The following SH3KBP1 variants were observed in gnomAD, a reference collection of about 807,000 sequenced individuals.
The protein encoded by SH3KBP1 is SH3 domain-containing kinase-binding protein 1.
In SH3KBP1, 8 loss-of-function variants were observed where a neutral mutation model predicts 50.1. That is an observed-to-expected ratio of 0.16 (90% CI 0.09 to 0.29). The LOEUF is 0.29. Among genes scored for constraint, SH3KBP1 ranks in the 10% least tolerant of loss-of-function variants. The probability of loss-of-function intolerance (pLI) is 1.00; values close to 1 mark genes in which losing one functional copy is unlikely to be tolerated. For missense variants in SH3KBP1, 377 were observed against 535.2 expected (o/e 0.70, Z 2.92); for synonymous variants, 227 against 218.6 (o/e 1.04, Z -0.34).
intron 3 of SH3KBP1, among the ~76,000 whole-genome samples, chrX:19,712,898 A>C (rs1469365103): frequency 9.0e-6 from 1 of 111,603 alleles, no homozygotes. Flanking sequence ...CGAGGAAACA[A>C]TCATGCAAAT....
At chrX:19,827,890 AAAACAAACAAACAAACAAAC>A (rs373645610) in intron 2 of SH3KBP1, among the ~76,000 whole-genome samples, 1 of 101,247 alleles carries the variant, frequency 9.9e-6, no homozygotes, top group Admixed American at 1.1e-4. Flanking sequence ...GTTAAACAAA[AAAACAAACAAACAAACAAAC>A]AAACAAACAA....
chrX:19,885,418 C>T (rs1261573759), intron 1 of SH3KBP1, among the ~76,000 whole-genome samples: 1 of 111,773 alleles, frequency 8.9e-6, no homozygotes, highest in Non-Finnish European at 1.9e-5. Context: ...GTATTAACTC[C>T]TGAAATAAAT....
intron 2 of SH3KBP1, among the ~76,000 whole-genome samples, chrX:19,786,484 CA>C (rs1004525864): frequency 2.1e-4 from 24 of 112,239 alleles, no homozygotes; most frequent in African/African-American, 7.8e-4. Context: ...TGGGCAAATG[CA>C]AAAGTTTATC....
At chrX:19,641,852 A>G (rs1045397875) in intron 7 of SH3KBP1, among the ~76,000 whole-genome samples, 1 of 111,418 alleles carries the variant, frequency 9.0e-6, no homozygotes, top group African/African-American at 3.3e-5. Flanking sequence ...TTTTATATAT[A>G]TTTTTGAGAT....
intron 3 of SH3KBP1, among the ~76,000 whole-genome samples, chrX:19,723,142 C>CAA (rs61434855): frequency 2.0e-3 from 61 of 30,046 alleles, no homozygotes; most frequent in Middle Eastern, 0.018. Context: ...GACTCCGTCT[C>CAA]AAAAAAAAAA....
chrX:19,798,042 A>G (rs2066773551), intron 2 of SH3KBP1, among the ~76,000 whole-genome samples: 1 of 111,199 alleles, frequency 9.0e-6, no homozygotes, highest in Non-Finnish European at 1.9e-5. Flanking sequence ...CTTCTGAATC[A>G]GAATTCAGAT....
At chrX:19,609,850 G>A (rs969345840) in intron 8 of SH3KBP1, among the ~76,000 whole-genome samples, 30 of 112,093 alleles carry the variant, frequency 2.7e-4, no homozygotes, top group Non-Finnish European at 1.3e-4. Context: ...TGAGAGTTCT[G>A]CGATCTCCTC....
At chrX:19,666,212 T>C (rs1487701287) in intron 6 of SH3KBP1, among the ~76,000 whole-genome samples, 1 of 109,531 alleles carries the variant, frequency 9.1e-6, no homozygotes, top group African/African-American at 3.3e-5. Flanking sequence ...ATCACAAAAC[T>C]AGCTTTATCC....
Position 19,579,771 on chromosome X carries a change from G to GA in SH3KBP1, c.1298+8871dup, listed in dbSNP as rs1314377011. Reference sequence around the variant, plus strand: ...ACAAGGTACTTCCCCCCATGCCTGTGACCTATGGGACTACCTTCCATCAGT... The same window carrying GA: ...ACAAGGTACTTCCCCCCATGCCTGTGAACCTATGGGACTACCTTCCATCAGT... On this transcript the variant is annotated intron_variant, in intron 12 of 17. Coordinates refer to ENST00000397821, the MANE Select transcript of SH3KBP1 (RefSeq NM_031892.3). 3.6e-5 allele frequency among the ~76,000 whole-genome samples: 4 copies of GA among 111,966 alleles called. No homozygotes were observed. The Admixed American group carries it at 3.8e-4, about 11-fold the overall frequency.
At chrX:19,623,549 A>G (rs2067915277) in intron 8 of SH3KBP1, among the ~76,000 whole-genome samples, 1 of 111,643 alleles carries the variant, frequency 9.0e-6, no homozygotes, top group Non-Finnish European at 1.9e-5. Context: ...GCCAGGCATG[A>G]TGGCAGTTGC....
At chrX:19,806,896 A>T (rs1238340963) in intron 2 of SH3KBP1, among the ~76,000 whole-genome samples, 1 of 111,927 alleles carries the variant, frequency 8.9e-6, no homozygotes, top group Admixed American at 9.5e-5. Flanking sequence ...TCCACTTTTA[A>T]GAATACCTGT....
chrX:19,558,769 A>C (rs1439019573), intron 13 of SH3KBP1, among the ~76,000 whole-genome samples: 2 of 112,276 alleles, frequency 1.8e-5, no homozygotes, highest in Non-Finnish European at 3.7e-5. Context: ...TCATTACATT[A>C]TTATTAGTAT....
At chrX:19,578,024 T>C (rs2066256867) in intron 12 of SH3KBP1, among the ~76,000 whole-genome samples, 1 of 112,041 alleles carries the variant, frequency 8.9e-6, no homozygotes, top group Non-Finnish European at 1.9e-5. Flanking sequence ...AGGAAACCAC[T>C]GAGGCACACA....
chrX:19,687,164 GC>G (rs1460231721), intron 5 of SH3KBP1, among the ~76,000 whole-genome samples: 1 of 112,770 alleles, frequency 8.9e-6, no homozygotes, highest in Non-Finnish European at 1.9e-5. Flanking sequence ...GGACTTTCAT[GC>G]CAAATTCTTA....
intron 1 of SH3KBP1, among the ~76,000 whole-genome samples, chrX:19,837,758 T>C (rs1333103124): frequency 9.0e-6 from 1 of 110,928 alleles, no homozygotes; most frequent in Non-Finnish European, 1.9e-5. Context: ...CCTTTTTTAT[T>C]TGCAGATCCG....
intron 12 of SH3KBP1, among the ~76,000 whole-genome samples, chrX:19,570,699 T>C (rs905451845): frequency 2.7e-5 from 3 of 111,775 alleles, no homozygotes; most frequent in African/African-American, 6.5e-5. Context: ...CTCACATCTA[T>C]AATCCCAACA....
intron 12 of SH3KBP1, among the ~76,000 whole-genome samples, chrX:19,574,551 T>C (rs1022813214): frequency 3.6e-5 from 4 of 112,660 alleles, no homozygotes; most frequent in Non-Finnish European, 7.5e-5. Context: ...CCCAGCTTCC[T>C]TCTCGCTGTG....
intron 15 of SH3KBP1, among the ~76,000 whole-genome samples, chrX:19,544,817 C>G (rs1472838905): frequency 8.9e-6 from 1 of 111,866 alleles, no homozygotes; most frequent in East Asian, 2.8e-4. Context: ...AACATGACAA[C>G]TCCGGGGAAG....
At chrX:19,689,570 T>G (rs761439827) in intron 5 of SH3KBP1, among the ~76,000 whole-genome samples, 14 of 111,661 alleles carry the variant, frequency 1.3e-4, no homozygotes, top group African/African-American at 3.9e-4. Context: ...CAATTTGAGA[T>G]GTAGTCTGGG....
Sources: allele counts gnomAD v4.1 joint callset (sites outside exome capture counted in the v4.1 genomes callset), GRCh38; gene constraint gnomAD v4.1.1; transcripts MANE v1.5; gene names NCBI Gene and HGNC (gene_info 2026-07-23, HGNC 2026-07-21).